BPTF: variants seen among roughly 807,000 people sequenced by gnomAD.
BPTF encodes the protein nucleosome-remodeling factor subunit BPTF.
Under a neutral mutation model 292.5 loss-of-function variants are expected in BPTF, and 18 were observed. The ratio of observed to expected loss-of-function variants is 0.06; its 90% CI spans 0.04 to 0.09. The LOEUF (loss-of-function observed/expected upper bound fraction) is 0.09, where lower values mean the gene tolerates loss of function less well. Among genes scored for constraint, BPTF ranks in the 10% least tolerant of loss-of-function variants. BPTF has a pLI of 1.00. For missense variants in BPTF, 2,726 were observed against 3,498.7 expected, an observed-to-expected ratio of 0.78 and a Z score of 5.57; for synonymous variants, 1,225 against 1,251.9, an observed-to-expected ratio of 0.98 and a Z score of 0.45.
At chr17:67,872,110 G>A (rs2059779220) in intron 3 of BPTF, among the ~76,000 whole-genome samples, 1 of 152,226 alleles carries the variant, frequency 6.6e-6, no homozygotes, top group African/African-American at 2.4e-5. Flanking sequence ...ACAGGCGTGA[G>A]CCACTGCGCC....
chr17:67,948,441 AG>A, intron 23 of BPTF, 135 bp downstream of exon 23: 3 of 801,332 alleles, frequency 3.7e-6, no homozygotes, highest in Non-Finnish European at 5.8e-6. Flanking sequence ...TAGAGTAAAA[AG>A]CAGTGCAGCG....
At position 67,912,885 on chromosome 17, in the gene BPTF, C is replaced by T; in HGVS notation, c.5001C>T (p.Thr1667=). 6.2e-7 allele frequency: 1 copy of T among 1,614,074 alleles called. No homozygotes were observed. The highest frequency in any genetic ancestry group is 8.5e-7 in the Non-Finnish European group (1 of 1,180,014). The part of the protein sequence containing the change: ...VTTTVTDSLT[T]TGGTLVTSMT... ...CGACAGTGACAGACTCCCTGACCAC[C>T]ACGGGAGGCACACTGGTTACATCTA... The change falls in exon 11 of 28, where the codon ACC becomes ACT. Residue 1667 remains threonine (T), a synonymous_variant. Coordinates refer to ENST00000306378, the MANE Select transcript of BPTF (RefSeq NM_182641.4).
intron 4 of BPTF, among the ~76,000 whole-genome samples, chr17:67,876,172 A>G (rs1249442221): frequency 3.3e-5 from 5 of 152,236 alleles, no homozygotes; most frequent in Non-Finnish European, 7.3e-5. Context: ...GTATTATGGT[A>G]GAAAATCATT....
At chr17:67,961,575 C>T (rs2067491507) in intron 24 of BPTF, among the ~76,000 whole-genome samples, 1 of 151,922 alleles carries the variant, frequency 6.6e-6, no homozygotes, top group Admixed American at 6.6e-5. Context: ...TGCTGGGCAC[C>T]GTGGCTCATA....
intron 4 of BPTF, among the ~76,000 whole-genome samples, chr17:67,883,148 A>T (rs1006268913): frequency 5.3e-5 from 8 of 152,118 alleles, no homozygotes; most frequent in Non-Finnish European, 1.0e-4. Flanking sequence ...CCCTGTCTCT[A>T]CTAAAAATAC....
At chr17:67,917,507 C>CT (rs1353228122) in intron 11 of BPTF, among the ~76,000 whole-genome samples, 2 of 152,034 alleles carry the variant, frequency 1.3e-5, no homozygotes, top group Non-Finnish European at 2.9e-5. Flanking sequence ...TTAGTATTAA[C>CT]TTTATTCATC....
chr17:67,826,078 G>C lies in BPTF; in HGVS notation c.354G>C (p.Arg118=). 1 of 1,298,212 alleles carries C rather than the reference G, an allele frequency of 7.7e-7. No homozygotes were observed. The highest frequency in any genetic ancestry group is 1.4e-5 in the South Asian group (1 of 70,278). The allele number at this position is 1,298,212 out of a possible 1,614,324, so 80.4% of individuals were successfully genotyped here. A position where few individuals can be genotyped will look rare whatever the true frequency, so the allele number is the denominator to read the frequency against. ...ACCTGGCCCGGACCACCGCGGCCCG[G>C]AGGGCCGTCAACAAAGTGGTGTACG... ...GGHLARTTAA[R]RAVNKVVYDD... Residue 118 remains arginine, a synonymous_variant, in exon 1 of 28, where the codon CGG becomes CGC. Coordinates refer to ENST00000306378, the MANE Select transcript of BPTF (RefSeq NM_182641.4).
chr17:67,832,594 A>G (rs62084210), intron 1 of BPTF, among the ~76,000 whole-genome samples: 30,993 of 151,902 alleles, frequency 0.2, 3,984 homozygotes, highest in East Asian at 0.66. Context: ...ACCCTTGTAA[A>G]GTATATAATT....
intron 3 of BPTF, among the ~76,000 whole-genome samples, chr17:67,868,796 A>G (rs377180088): frequency 2.0e-5 from 3 of 152,306 alleles, no homozygotes; most frequent in East Asian, 3.9e-4. Flanking sequence ...CATATTCTAC[A>G]TCAATATTCC....
chr17:67,838,655 T>G (rs1337890396), intron 1 of BPTF, among the ~76,000 whole-genome samples: 1 of 152,196 alleles, frequency 6.6e-6, no homozygotes, highest in Non-Finnish European at 1.5e-5. Context: ...TTTTTATATT[T>G]TTTTAGTAGA....
chr17:67,899,616 CA>C (rs1429814593), intron 7 of BPTF, among the ~76,000 whole-genome samples: 1 of 151,494 alleles, frequency 6.6e-6, no homozygotes, highest in African/African-American at 2.4e-5. Flanking sequence ...CTGCAACCTC[CA>C]CCTCCCGGGT....
At chr17:67,963,443 G>A (rs1568195172) in intron 24 of BPTF, 8 of 1,536,186 alleles carry the variant, frequency 5.2e-6, no homozygotes, top group Middle Eastern at 1.7e-4. Flanking sequence ...GATTGTAAAC[G>A]GGCACAAGAG....
chr17:67,826,457 C>G, intron 1 of BPTF, 120 bp downstream of exon 1: 1 of 1,102,366 alleles, frequency 9.1e-7, no homozygotes, highest in Non-Finnish European at 1.2e-6. Context: ...CCCCCCCAAA[C>G]AGAGGGGAAA....
intron 23 of BPTF, among the ~76,000 whole-genome samples, chr17:67,948,658 G>C (rs527611931): frequency 9.9e-5 from 15 of 152,148 alleles, no homozygotes; most frequent in Non-Finnish European, 2.9e-5. Flanking sequence ...GTGAAGTAAC[G>C]TTGAAAGAAT....
rs2062753023 is a variant in BPTF at position 67,913,070 on chromosome 17, A to G, written c.5186A>G (p.Lys1729Arg). The stretch of plus-strand genomic sequence containing the variant: ...TTTGTTTTGCCTAATGATGACTTAA[A>G]AAAGTTGGCCCGAAAAGGAGGAATC... ...SIFVLPNDDL[K>R]KLARKGGIRE... The change falls in exon 11 of 28, where the codon AAA (lysine) becomes AGA (arginine). Residue 1729 changes from lysine (K) to arginine (R), a missense_variant. Lys to Arg is a conservative substitution (Grantham distance 26). This residue lies in a region of BPTF where 24 missense variants were observed against 57.5 expected (regional missense o/e 0.42). Coordinates refer to ENST00000306378, the MANE Select transcript of BPTF (RefSeq NM_182641.4). 6.2e-7 allele frequency: 1 copy of G among 1,614,226 alleles called. No individual in the cohort carries two copies. The highest frequency in any genetic ancestry group is 8.5e-7 in the Non-Finnish European group (1 of 1,180,034).
At chr17:67,973,947 C>A (rs763226357) in intron 26 of BPTF, 1 of 151,808 alleles carries the variant, frequency 6.6e-6, no homozygotes, top group Non-Finnish European at 1.5e-5. Context: ...CTGCATGCTG[C>A]CACACTTTTC....
chr17:67,956,185 G>GCA (rs1555680906), intron 23 of BPTF: 1 of 151,742 alleles, frequency 6.6e-6, no homozygotes, highest in African/African-American at 2.4e-5. Context: ...CGGGCGTGAT[G>GCA]GCGGGCGCCT....
chr17:67,856,993 T>C (rs1401230840), intron 2 of BPTF, among the ~76,000 whole-genome samples: 2 of 152,094 alleles, frequency 1.3e-5, no homozygotes, highest in Non-Finnish European at 2.9e-5. Context: ...CATTGCGTTT[T>C]GAGGATTGTG....
At position 67,944,167 on chromosome 17, in the gene BPTF, G is replaced by T. The variant is rs372038942; in HGVS notation, c.6495G>T (p.Leu2165Phe). The T allele has an allele frequency of 6.2e-7, 1 of 1,614,052 alleles. No individual in the cohort carries two copies. Among genetic ancestry groups the T allele is most frequent in the African/African-American group, 1.3e-5 (1 of 74,918 alleles). ...TTCCACAGGGTGGCAATCAAGGTTT[G>T]ACAGTAGTAATTCAAGGACAAGGTC... Reference protein sequence around the residue: ...LTQGHGGNQGLTVVIQGQGQT... With the variant: ...LTQGHGGNQGFTVVIQGQGQT... Residue 2165 changes from leucine to phenylalanine, a missense_variant, in exon 20 of 28, where the codon TTG becomes TTT. By Grantham distance (22) the Leu-to-Phe change is conservative. Around this residue, in one of 22 missense-constraint regions of BPTF, gnomAD observed 570 missense variants for 633.5 expected, o/e 0.90. Transcript: ENST00000306378.
Sources: gnomAD v4.1 joint callset for allele counts (sites outside exome capture counted in the v4.1 genomes callset) on GRCh38, gnomAD v4.1.1 for gene constraint, gnomAD v4.1.1 regional missense constraint, MANE v1.5 for transcripts, NCBI Gene and HGNC (gene_info 2026-07-23, HGNC 2026-07-21) for gene names.